The following DNAH10 variants were observed in gnomAD, a reference collection of about 807,000 sequenced individuals.
DNAH10 encodes the protein dynein axonemal heavy chain 10, also known as axonemal beta dynein heavy chain 10.
DNAH10 carries 348 observed loss-of-function variants against 506.6 expected under a neutral mutation model. That is an observed-to-expected ratio of 0.69 (90% CI 0.63 to 0.75). DNAH10 has a LOEUF of 0.75. Ranked by LOEUF, DNAH10 falls within the 30% of genes least tolerant of loss-of-function variation. DNAH10 has a pLI of 0.00. For missense variants in DNAH10, 5,179 were observed against 5,787.1 expected (o/e 0.89, Z 3.41); for synonymous variants, 2,059 against 2,198.6 (o/e 0.94, Z 1.78).
At chr12:123,764,724 C>G (rs1956954396) in intron 1 of DNAH10, among the ~76,000 whole-genome samples, 1 of 152,206 alleles carries the variant, frequency 6.6e-6, no homozygotes, top group Non-Finnish European at 1.5e-5. Flanking sequence ...ACCCCGCCCC[C>G]TGACCCGTTT....
At chr12:123,922,300 C>T (rs1474204964) in intron 65 of DNAH10, among the ~76,000 whole-genome samples, 4 of 151,914 alleles carry the variant, frequency 2.6e-5, no homozygotes, top group South Asian at 2.1e-4. Context: ...GGCTTGAACC[C>T]GGGAGGCGGA....
At chr12:123,764,886 G>A (rs1956960524) in intron 1 of DNAH10, among the ~76,000 whole-genome samples, 1 of 152,132 alleles carries the variant, frequency 6.6e-6, no homozygotes, top group East Asian at 1.9e-4. Flanking sequence ...GGCGTCGGGT[G>A]TTGGGGGTTC....
At chr12:123,777,318 A>G (rs900739712) in intron 5 of DNAH10, among the ~76,000 whole-genome samples, 1 of 152,220 alleles carries the variant, frequency 6.6e-6, no homozygotes, top group African/African-American at 2.4e-5. Context: ...GGTGATCCAG[A>G]AGCCAAGAGA....
chr12:123,818,564 C>T (rs112875110), intron 21 of DNAH10, among the ~76,000 whole-genome samples: 20,278 of 152,018 alleles, frequency 0.13, 1,720 homozygotes, highest in African/African-American at 0.24. Context: ...CCTCAGGTGA[C>T]CCACCCGCCT....
At position 123,767,655 on chromosome 12, in the gene DNAH10, T is replaced by C. The variant is rs1415887139; in HGVS notation, c.264T>C (p.Tyr88=). 5 of 1,612,782 alleles carry C rather than the reference T, an allele frequency of 3.1e-6. No homozygotes were observed. Among genetic ancestry groups the C allele is most frequent in the East Asian group, 2.2e-5 (1 of 44,872 alleles). Residue 88 remains tyrosine (Y), a synonymous_variant, in exon 2 of 79, where the codon TAT becomes TAC. Coordinates refer to ENST00000673944, the MANE Select transcript of DNAH10 (RefSeq NM_001372106.1). ...AGGGAGAAGAGGAAGAAGAGACTTA[T>C]TCTCAAAAAGTGGAGTCCGTGGATA... ...SEEGEEEEET[Y]SQKVESVDKV...
chr12:123,829,052 A>G lies in DNAH10; in HGVS notation c.4392-1494A>G, dbSNP rs1056929665. Among the ~76,000 whole-genome samples, 6 of 152,166 alleles carry G rather than the reference A, an allele frequency of 3.9e-5. 1 individual carries two copies. Among genetic ancestry groups the G allele is most frequent in the Non-Finnish European group, 7.3e-5 (5 of 68,030 alleles). ...CATGCAGTCCATCAATCGCCGTGAC[A>G]TGGGTTTTGCGAAACAGATTTATTT... On this transcript the variant is annotated intron_variant, in intron 25 of 78. Transcript: ENST00000673944.
chr12:123,787,767 C>T lies in DNAH10; in HGVS notation c.1422-37C>T, dbSNP rs1326340096. The T allele has an allele frequency of 1.3e-6, 2 of 1,596,082 alleles. No individual in the cohort carries two copies. The highest frequency in any genetic ancestry group is 1.8e-5 in the Admixed American group (1 of 56,254). On this transcript the variant is annotated intron_variant, in intron 9 of 78. Transcript: ENST00000673944. This position sits in a 1 kb window ranked among gnomAD's most constrained non-coding sequence, Gnocchi z 4.6. ...GGAGTGCGGCTCGGACCCGGAGCTCCGCCCTCCTCCCATCACGGCATCTCT... is the reference window on the plus strand; with the variant it reads ...GGAGTGCGGCTCGGACCCGGAGCTCTGCCCTCCTCCCATCACGGCATCTCT...
At position 123,913,486 on chromosome 12, in the gene DNAH10, C is replaced by A. The variant is rs1485664015; in HGVS notation, c.10352+171C>A. Among the ~76,000 whole-genome samples, 1 of 152,176 alleles carries A rather than the reference C, an allele frequency of 6.6e-6. No individual in the cohort carries two copies. Among genetic ancestry groups the A allele is most frequent in the East Asian group, 1.9e-4 (1 of 5,192 alleles). On this transcript the variant is annotated intron_variant, in intron 60 of 78. Coordinates refer to ENST00000673944, the MANE Select transcript of DNAH10 (RefSeq NM_001372106.1). The surrounding 1 kb of genome is among the most constrained non-coding windows in gnomAD (Gnocchi z 5.1). ...TGGCAGCTAATGGCTATTTTATAGG[C>A]TCTTGTTTGTATTAGGCACTGAGTG...
rs1952783860 is a variant in DNAH10 at position 123,887,381 on chromosome 12, C to T, written c.8995+68C>T. 4 of 1,519,976 alleles carry T rather than the reference C, an allele frequency of 2.6e-6. No individual in the cohort carries two copies. The South Asian group carries it at 5.1e-5, about 19-fold the overall frequency. The allele number at this position is 1,519,976 out of a possible 1,614,324, so 94.2% of individuals were successfully genotyped here. A position where few individuals can be genotyped will look rare whatever the true frequency, so the allele number is the denominator to read the frequency against. On this transcript the variant is annotated intron_variant, in intron 52 of 78. Transcript: ENST00000673944. ...AGCTCTTAAGGGAGTTCACTTTCTT[C>T]AGCAGTTACCACCTCCAGACACTGT...
chr12:123,793,746 C>T (rs747179612), intron 11 of DNAH10, among the ~76,000 whole-genome samples, 196 bp from the exon 12 acceptor site: 1 of 152,174 alleles, frequency 6.6e-6, no homozygotes, highest in Non-Finnish European at 1.5e-5. Flanking sequence ...AATTCCTTTA[C>T]CTTTGAACTG....
In DNAH10 at chr12:123,931,386, G is replaced by A. The variant is rs757878085; in HGVS notation, c.12830G>A (p.Gly4277Asp). ...CTTGCCAACACGCCAGAAGTGTTTGGTCTCCACCCCAACGCTGAGATTGGC... is the reference window on the plus strand; with the variant it reads ...CTTGCCAACACGCCAGAAGTGTTTGATCTCCACCCCAACGCTGAGATTGGC... ...LPLANTPEVF[G>D]LHPNAEIGYY... The change falls in exon 74 of 79, where the codon GGT (glycine) becomes GAT (aspartate). Residue 4277 changes from glycine (G) to aspartate (D), a missense_variant. By Grantham distance (94) the Gly-to-Asp change is moderately conservative (BLOSUM62 -1). This residue lies in a region of DNAH10 where 4,844 missense variants were observed against 5,430.5 expected (regional missense o/e 0.89). Coordinates refer to ENST00000673944, the MANE Select transcript of DNAH10 (RefSeq NM_001372106.1). 6.2e-7 allele frequency: 1 copy of A among 1,613,976 alleles called. No homozygotes were observed.
Position 123,916,356 on chromosome 12 carries a change from C to A in DNAH10, c.10723-101C>A. 1 of 1,464,682 alleles carries A rather than the reference C, an allele frequency of 6.8e-7. No homozygotes were observed. The highest frequency in any genetic ancestry group is 9.2e-7 in the Non-Finnish European group (1 of 1,088,074). The allele number at this position is 1,464,682 out of a possible 1,614,324, so 90.7% of individuals were successfully genotyped here. On this transcript the variant is annotated intron_variant, in intron 62 of 78. Transcript: ENST00000673944. The surrounding 1 kb of genome is among the most constrained non-coding windows in gnomAD (Gnocchi z 4.6). ...TTTCACCTCTGGCCCCCTCCAAGTT[C>A]CTGGCCCATCCACTTCCCACTTCCA...
In DNAH10 at chr12:123,857,075, C is replaced by A; in HGVS notation, c.6458C>A (p.Ala2153Asp). 6.2e-7 allele frequency: 1 copy of A among 1,612,400 alleles called. No individual in the cohort carries two copies. ...DLREDVVLMRALRDMNLPKFV... is the reference protein window; with the variant it reads ...DLREDVVLMRDLRDMNLPKFV... ...CTGCAGGACGTGGTGCTGATGAGGG[C>A]CTTGCGAGACATGAACTTGCCCAAA... Residue 2153 changes from alanine (A) to aspartate (D), a missense_variant, in exon 37 of 79, where the codon GCC becomes GAC. Physicochemically the swap from Ala to Asp is moderately radical, Grantham distance 126. Coordinates refer to ENST00000673944, the MANE Select transcript of DNAH10 (RefSeq NM_001372106.1).
chr12:123,928,839 T>G lies in DNAH10; in HGVS notation c.12306+252T>G. On this transcript the variant is annotated intron_variant, in intron 70 of 78. Transcript: ENST00000673944. This position sits in a 1 kb window ranked among gnomAD's most constrained non-coding sequence, Gnocchi z 4.9. ...GTGTCCCTAACAATATCTACGCTAC[T>G]TTTCATAAACTTCACGGCCCCCCCC... 3.7e-6 allele frequency: 2 copies of G among 541,882 alleles called. No homozygotes were observed. Among genetic ancestry groups the G allele is most frequent in the Non-Finnish European group, 6.4e-6 (2 of 313,442 alleles). The allele number at this position is 541,882 out of a possible 1,614,324, so 33.6% of individuals were successfully genotyped here.
chr12:123,798,942 C>A (rs1187021840), intron 13 of DNAH10, among the ~76,000 whole-genome samples: 1 of 149,034 alleles, frequency 6.7e-6, no homozygotes, highest in Non-Finnish European at 1.5e-5. Context: ...CCTGTCTCTA[C>A]TAAAATACAA....
chr12:123,888,118 G>A (rs1952820981), intron 52 of DNAH10, among the ~76,000 whole-genome samples: 1 of 152,204 alleles, frequency 6.6e-6, no homozygotes. Context: ...AGGGGCAGGA[G>A]GATTGCTTGA....
chr12:123,777,630 T>A (rs1281746705), intron 5 of DNAH10, among the ~76,000 whole-genome samples: 1 of 152,196 alleles, frequency 6.6e-6, no homozygotes, highest in Non-Finnish European at 1.5e-5. Flanking sequence ...GGCTACCTTC[T>A]TATTTATTTA....
chr12:123,783,868 C>T (rs1414305223), intron 7 of DNAH10, 79 bp from the exon 8 acceptor site: 2 of 1,324,228 alleles, frequency 1.5e-6, no homozygotes, highest in South Asian at 1.3e-5. Flanking sequence ...ACAGAAAGAA[C>T]GGATGCTGGA....
At chr12:123,815,954 T>C (rs566831425) in intron 21 of DNAH10, among the ~76,000 whole-genome samples, 1 of 152,226 alleles carries the variant, frequency 6.6e-6, no homozygotes, top group Non-Finnish European at 1.5e-5. Flanking sequence ...TGTAATCTTA[T>C]GGGAATACTG....
Sources: allele counts gnomAD v4.1 joint callset (sites outside exome capture counted in the v4.1 genomes callset), GRCh38; gene constraint gnomAD v4.1.1; regional missense constraint gnomAD v4.1.1; non-coding constraint Gnocchi (gnomAD v3.1); transcripts MANE v1.5; gene names NCBI Gene and HGNC (gene_info 2026-07-23, HGNC 2026-07-21).